C13orf42: variants seen among roughly 807,000 people sequenced by gnomAD.
The protein encoded by C13orf42 is chromosome 13 open reading frame 42, also known as uncharacterized protein C13orf42.
intron 1 of C13orf42, among the ~76,000 whole-genome samples, chr13:51,122,747 T>G (rs1161013504): frequency 3.9e-5 from 6 of 152,192 alleles, no homozygotes; most frequent in Non-Finnish European, 7.4e-5. Flanking sequence ...GTGACCAGTC[T>G]TAAAATTGGA....
At chr13:51,171,568 G>A (rs1953952430) in intron 1 of C13orf42, among the ~76,000 whole-genome samples, 1 of 151,350 alleles carries the variant, frequency 6.6e-6, no homozygotes, top group African/African-American at 2.5e-5. Flanking sequence ...GGCCGAGCTA[G>A]GTCCCAATTC....
chr13:51,159,254 TTA>T (rs1290623152), intron 1 of C13orf42, among the ~76,000 whole-genome samples: 4 of 152,194 alleles, frequency 2.6e-5, no homozygotes, highest in African/African-American at 9.6e-5. Flanking sequence ...CACCTATGAT[TTA>T]TATTTTCTTC....
At chr13:51,135,312 T>C (rs1593547194) in intron 1 of C13orf42, among the ~76,000 whole-genome samples, 1 of 152,168 alleles carries the variant, frequency 6.6e-6, no homozygotes, top group Non-Finnish European at 1.5e-5. Context: ...TGATACTCCC[T>C]GGGCAGCCAC....
chr13:51,108,408 G>A (rs1953385813), intron 1 of C13orf42, among the ~76,000 whole-genome samples: 1 of 152,158 alleles, frequency 6.6e-6, no homozygotes, highest in Non-Finnish European at 1.5e-5. Flanking sequence ...CCAGGGCAAA[G>A]GATTCCTTCT....
At chr13:51,132,954 C>G (rs1029799513) in intron 1 of C13orf42, among the ~76,000 whole-genome samples, 4 of 152,086 alleles carry the variant, frequency 2.6e-5, no homozygotes, top group African/African-American at 9.7e-5. Context: ...ACTGCTACAC[C>G]CTCACCAGCG....
At chr13:51,146,940 AACCTGCAGT>A (rs1159260007) in intron 1 of C13orf42, among the ~76,000 whole-genome samples, 1 of 152,212 alleles carries the variant, frequency 6.6e-6, no homozygotes. Flanking sequence ...CAGGTTCCTC[AACCTGCAGT>A]GGCCCGCTTT....
chr13:51,094,079 T>G (rs1953208774), intron 1 of C13orf42, among the ~76,000 whole-genome samples: 2 of 152,190 alleles, frequency 1.3e-5, no homozygotes, highest in Admixed American at 6.5e-5. Context: ...CAAGAACTCT[T>G]TCATGGTGGA....
intron 1 of C13orf42, among the ~76,000 whole-genome samples, chr13:51,123,907 A>T (rs571653571): frequency 2.0e-5 from 3 of 152,322 alleles, no homozygotes; most frequent in South Asian, 4.1e-4. Flanking sequence ...TATAGTTTAA[A>T]GCTAAACTGT....
At chr13:51,121,297 T>C (rs1181839019) in intron 1 of C13orf42, among the ~76,000 whole-genome samples, 1 of 152,142 alleles carries the variant, frequency 6.6e-6, no homozygotes, top group African/African-American at 2.4e-5. Context: ...CAAAGACATT[T>C]AAATTAAAAC....
chr13:51,147,069 G>A (rs1953741346), intron 1 of C13orf42, among the ~76,000 whole-genome samples: 1 of 152,234 alleles, frequency 6.6e-6, no homozygotes, highest in South Asian at 2.1e-4. Context: ...CAAAAGGTGG[G>A]GGCAGGCCAG....
chr13:51,139,275 A>C (rs1280244383), intron 1 of C13orf42, among the ~76,000 whole-genome samples: 1 of 152,186 alleles, frequency 6.6e-6, no homozygotes, highest in African/African-American at 2.4e-5. Flanking sequence ...AGATCACGCC[A>C]CTGTACTCCA....
At chr13:51,102,231 T>C (rs1431675998) in intron 1 of C13orf42, among the ~76,000 whole-genome samples, 1 of 152,200 alleles carries the variant, frequency 6.6e-6, no homozygotes, top group Admixed American at 6.5e-5. Context: ...AATATCACTG[T>C]GTTTGCAGAA....
intron 1 of C13orf42, among the ~76,000 whole-genome samples, chr13:51,141,075 A>C (rs998989877): frequency 6.1e-5 from 9 of 147,228 alleles, no homozygotes; most frequent in African/African-American, 2.3e-4. Context: ...AGCTTAATTA[A>C]AAGGCTAACA....
chr13:51,087,851 C>G (rs867110931), intron 2 of C13orf42, 77 bp downstream of exon 2: 1 of 397,522 alleles, frequency 2.5e-6, no homozygotes, highest in Non-Finnish European at 4.4e-6. Flanking sequence ...CACCCCAGAG[C>G]CCCCAGCCCA....
At chr13:51,161,860 A>G in intron 1 of C13orf42, 1 of 459,426 alleles carries the variant, frequency 2.2e-6, no homozygotes, top group South Asian at 1.8e-5. Flanking sequence ...TCAGAGCCCC[A>G]AAAACTTTAT....
chr13:51,106,993 T>C (rs1223231956), intron 1 of C13orf42, among the ~76,000 whole-genome samples: 1 of 152,252 alleles, frequency 6.6e-6, no homozygotes, highest in East Asian at 1.9e-4. Flanking sequence ...TGACCTATTC[T>C]GAGGGAGGAG....
intron 1 of C13orf42, among the ~76,000 whole-genome samples, chr13:51,167,508 C>T (rs892160624): frequency 6.6e-6 from 1 of 152,180 alleles, no homozygotes; most frequent in Non-Finnish European, 1.5e-5. Context: ...CCTAAGGAGT[C>T]AGCCATTGAA....
At chr13:51,110,633 A>G (rs1319090841) in intron 1 of C13orf42, among the ~76,000 whole-genome samples, 163 bp downstream of exon 1, 1 of 152,238 alleles carries the variant, frequency 6.6e-6, no homozygotes, top group Admixed American at 6.5e-5. Flanking sequence ...ACCCTTCCCC[A>G]GGCTGGGGAT....
chr13:51,167,260 C>T (rs1309203734), intron 1 of C13orf42, among the ~76,000 whole-genome samples: 3 of 152,134 alleles, frequency 2.0e-5, no homozygotes, highest in Non-Finnish European at 4.4e-5. Flanking sequence ...CACACTCAAA[C>T]ACTCTCTCTC....
Sources: allele counts gnomAD v4.1 joint callset (sites outside exome capture counted in the v4.1 genomes callset), GRCh38; gene constraint gnomAD v4.1.1; transcripts MANE v1.5; gene names NCBI Gene and HGNC (gene_info 2026-07-23, HGNC 2026-07-21).